Variants in TANC1 observed in about 807,000 individuals in gnomAD.
TANC1 encodes tetratricopeptide repeat, ankyrin repeat and coiled-coil containing 1, also known as protein TANC1.
Under a neutral mutation model 149.7 loss-of-function variants are expected in TANC1, and 77 were observed. That is an observed-to-expected ratio of 0.51 (90% CI 0.43 to 0.62). The LOEUF is 0.62. TANC1 is among the 20% of genes least tolerant of loss of function. The probability of loss-of-function intolerance (pLI) is 0.00; values close to 1 mark genes in which losing one functional copy is unlikely to be tolerated. For missense variants in TANC1, 1,985 were observed against 2,321.8 expected, an observed-to-expected ratio of 0.85 and a Z score of 2.98; for synonymous variants, 854 against 925.0, an observed-to-expected ratio of 0.92 and a Z score of 1.39.
At chr2:159,069,722 A>G (rs190607546) in intron 3 of TANC1, among the ~76,000 whole-genome samples, 1 of 152,012 alleles carries the variant, frequency 6.6e-6, no homozygotes, top group Non-Finnish European at 1.5e-5. Context: ...CCATTTTACA[A>G]TAGAACAAAA....
At chr2:159,161,999 A>AT (rs1002730468) in intron 7 of TANC1, among the ~76,000 whole-genome samples, 2 of 152,234 alleles carry the variant, frequency 1.3e-5, no homozygotes, top group African/African-American at 4.8e-5. Context: ...TTTATGTGGG[A>AT]TTTTTTAAAA....
chr2:159,185,506 C>T (rs1330027194), intron 14 of TANC1, among the ~76,000 whole-genome samples: 2 of 152,168 alleles, frequency 1.3e-5, no homozygotes, highest in African/African-American at 4.8e-5. Context: ...CTTTGTCTAC[C>T]CCTAGTGGTG....
intron 4 of TANC1, among the ~76,000 whole-genome samples, chr2:159,129,839 C>T (rs1559313683): frequency 1.3e-5 from 2 of 152,128 alleles, no homozygotes; most frequent in Non-Finnish European, 1.5e-5. Flanking sequence ...AAACTGAACA[C>T]GTTGGTGCTC....
chr2:159,186,240 C>T (rs1197029578), intron 15 of TANC1, among the ~76,000 whole-genome samples: 1 of 152,084 alleles, frequency 6.6e-6, no homozygotes, highest in African/African-American at 2.4e-5. Context: ...TGTTCGAGAA[C>T]CTGAGTTTCT....
At chr2:159,173,149 C>A (rs2055437404) in intron 11 of TANC1, among the ~76,000 whole-genome samples, 1 of 152,218 alleles carries the variant, frequency 6.6e-6, no homozygotes, top group African/African-American at 2.4e-5. Flanking sequence ...GATTTTCAAA[C>A]TCCATTGACT....
chr2:159,084,789 A>G (rs1211787379), intron 3 of TANC1, among the ~76,000 whole-genome samples: 2 of 152,216 alleles, frequency 1.3e-5, no homozygotes, highest in African/African-American at 4.8e-5. Flanking sequence ...CTTTAGCACC[A>G]AGCAATGCTC....
intron 4 of TANC1, among the ~76,000 whole-genome samples, chr2:159,132,066 T>G (rs1559317843): frequency 6.6e-6 from 1 of 152,182 alleles, no homozygotes. Context: ...TCAATGGTGA[T>G]TCAGTGCCTG....
At chr2:159,178,052 A>T (rs1033203175) in intron 13 of TANC1, among the ~76,000 whole-genome samples, 2 of 152,274 alleles carry the variant, frequency 1.3e-5, no homozygotes, top group African/African-American at 4.8e-5. Flanking sequence ...TGTCGTTGAG[A>T]CACAGCCCAG....
At chr2:158,986,243 A>ACGGACT (rs61605220) in intron 1 of TANC1, among the ~76,000 whole-genome samples, 7,861 of 152,144 alleles carry the variant, frequency 0.052, 643 homozygotes, top group African/African-American at 0.18. Context: ...ACTGGGATGA[A>ACGGACT]AAGGAATACT....
chr2:159,138,585 A>G (rs1310823832), intron 5 of TANC1, among the ~76,000 whole-genome samples: 2 of 152,214 alleles, frequency 1.3e-5, no homozygotes, highest in African/African-American at 4.8e-5. Context: ...GTGTGTACAG[A>G]TACATGATGG....
chr2:159,065,842 A>G (rs922587372), intron 2 of TANC1, 54 bp from the exon 3 acceptor site: 4 of 1,445,484 alleles, frequency 2.8e-6, no homozygotes, highest in African/African-American at 1.4e-5. Context: ...GACACAAGTT[A>G]TATTCCAACT....
intron 2 of TANC1, among the ~76,000 whole-genome samples, chr2:159,002,198 T>C (rs1428053763): frequency 6.6e-6 from 1 of 152,204 alleles, no homozygotes; most frequent in Non-Finnish European, 1.5e-5. Context: ...GCTGGCGGTA[T>C]GGACAGTGTG....
intron 2 of TANC1, among the ~76,000 whole-genome samples, chr2:159,053,584 A>G (rs1302539422): frequency 1.3e-5 from 2 of 152,230 alleles, no homozygotes; most frequent in African/African-American, 4.8e-5. Flanking sequence ...ATTAGACTGT[A>G]TAAAATTGCC....
chr2:159,211,984 T>C (rs977548450), intron 19 of TANC1, among the ~76,000 whole-genome samples: 1 of 152,220 alleles, frequency 6.6e-6, no homozygotes, highest in African/African-American at 2.4e-5. Context: ...TGCTCCAACT[T>C]GTGGTTTCTC....
intron 3 of TANC1, among the ~76,000 whole-genome samples, chr2:159,069,412 T>A (rs1436627081): frequency 6.6e-6 from 1 of 152,178 alleles, no homozygotes; most frequent in African/African-American, 2.4e-5. Flanking sequence ...GTTAGGACCT[T>A]GATCTAAAAT....
At chr2:159,011,346 CT>C (rs1390182816) in intron 2 of TANC1, among the ~76,000 whole-genome samples, 3 of 151,734 alleles carry the variant, frequency 2.0e-5, no homozygotes, top group Non-Finnish European at 4.4e-5. Context: ...AAAAAAAAAC[CT>C]TTTTTAAAGA....
intron 2 of TANC1, among the ~76,000 whole-genome samples, chr2:159,062,991 A>AAAG (rs2042367541): frequency 6.8e-6 from 1 of 147,094 alleles, no homozygotes. Context: ...AAAAAAAAAA[A>AAAG]AAAAGAAAGC....
At chr2:159,165,304 A>C (rs565088180) in intron 8 of TANC1, among the ~76,000 whole-genome samples, 1 of 152,292 alleles carries the variant, frequency 6.6e-6, no homozygotes, top group South Asian at 2.1e-4. Context: ...GTGCGCATTC[A>C]TTAGCTTCTG....
At chr2:159,074,518 A>C (rs545504519) in intron 3 of TANC1, among the ~76,000 whole-genome samples, 24 of 152,134 alleles carry the variant, frequency 1.6e-4, no homozygotes, top group Admixed American at 2.0e-4. Context: ...CCACCTGCAC[A>C]CAGGGTCTTC....
Sources: gnomAD v4.1 joint callset for allele counts (sites outside exome capture counted in the v4.1 genomes callset) on GRCh38, gnomAD v4.1.1 for gene constraint, MANE v1.5 for transcripts, NCBI Gene and HGNC (gene_info 2026-07-23, HGNC 2026-07-21) for gene names.